Variants in TTC28 observed in about 807,000 individuals in gnomAD.
TTC28 encodes the protein tetratricopeptide repeat domain 28.
In TTC28, 61 loss-of-function variants were observed where a neutral mutation model predicts 198.0. The observed-to-expected ratio is 0.31, with a 90% CI of 0.25 to 0.38. The LOEUF is 0.38. TTC28 is among the 10% of genes least tolerant of loss of function. The pLI, the probability that TTC28 is intolerant of heterozygous loss-of-function variation, is 1.00. For synonymous variants in TTC28, 1,171 were observed against 1,297.8 expected, an observed-to-expected ratio of 0.90 and a Z score of 2.10; for missense variants, 2,678 against 3,164.0, an observed-to-expected ratio of 0.85 and a Z score of 3.69.
At chr22:28,392,423 G>A (rs570904811) in intron 2 of TTC28, among the ~76,000 whole-genome samples, 34 of 152,282 alleles carry the variant, frequency 2.2e-4, no homozygotes, top group African/African-American at 6.3e-4. Context: ...GGGCAATGGC[G>A]GGCACTCCTC....
At chr22:28,677,363 T>C (rs1027403152) in intron 1 of TTC28, among the ~76,000 whole-genome samples, 2 of 151,954 alleles carry the variant, frequency 1.3e-5, no homozygotes, top group African/African-American at 2.4e-5. Context: ...ATCACAAAGA[T>C]TGGCTGGGGG....
chr22:28,009,523 G>A (rs1252081424), intron 14 of TTC28, among the ~76,000 whole-genome samples: 7 of 152,206 alleles, frequency 4.6e-5, no homozygotes, highest in Non-Finnish European at 1.0e-4. Flanking sequence ...GTGGCCTCTG[G>A]AGCAGTGCGT....
chr22:28,645,238 A>T (rs2051440103), intron 1 of TTC28, among the ~76,000 whole-genome samples: 2 of 152,244 alleles, frequency 1.3e-5, no homozygotes, highest in Admixed American at 6.5e-5. Flanking sequence ...GTTCAAGGGC[A>T]TAACCAAAAA....
At chr22:28,039,935 A>G (rs1939545277) in intron 12 of TTC28, among the ~76,000 whole-genome samples, 1 of 152,178 alleles carries the variant, frequency 6.6e-6, no homozygotes, top group African/African-American at 2.4e-5. Flanking sequence ...AATACAAACT[A>G]CCATCAGAGA....
Position 28,677,665 on chromosome 22 carries a change from C to G in TTC28, c.102+1957G>C, listed in dbSNP as rs191501231. 2.0e-3 allele frequency among the ~76,000 whole-genome samples: 302 copies of G among 151,550 alleles called. 2 individuals carry two copies. The highest frequency in any genetic ancestry group is 6.9e-3 in the Middle Eastern group (2 of 288). On this transcript the variant is annotated intron_variant, in intron 1 of 22. Coordinates refer to ENST00000397906, the MANE Select transcript of TTC28 (RefSeq NM_001145418.2). ...AAAAAATAAAAATAAGGCCAGGTGC[C>G]GTGGCTCACACCTGTAATCTCAGCA...
chr22:28,372,046 C>CCCA (rs1271711035), intron 2 of TTC28, among the ~76,000 whole-genome samples: 5 of 151,844 alleles, frequency 3.3e-5, no homozygotes, highest in Non-Finnish European at 5.9e-5. Context: ...TGTGATTGTG[C>CCCA]CCATGCACTC....
intron 2 of TTC28, among the ~76,000 whole-genome samples, chr22:28,580,057 G>A (rs752931894): frequency 6.6e-6 from 1 of 151,982 alleles, no homozygotes. Context: ...TTATTTCAAT[G>A]TATTGTGTTG....
chr22:28,197,741 G>A (rs1925521127), intron 5 of TTC28, among the ~76,000 whole-genome samples: 4 of 152,180 alleles, frequency 2.6e-5, no homozygotes, highest in African/African-American at 9.6e-5. Flanking sequence ...CAGTGTGGGT[G>A]TGCTGGCTCA....
intron 2 of TTC28, among the ~76,000 whole-genome samples, chr22:28,564,672 T>C (rs1455270767): frequency 6.6e-6 from 1 of 151,648 alleles, no homozygotes; most frequent in Non-Finnish European, 1.5e-5. Context: ...ATCAAATATC[T>C]AGGTATACCT....
chr22:27,999,852 C>T (rs909204191), intron 15 of TTC28: 3 of 152,158 alleles, frequency 2.0e-5, no homozygotes, highest in Admixed American at 2.0e-4. Context: ...CCTGAGTTTC[C>T]CCTATGATGA....
At chr22:28,278,717 CT>C (rs2044519497) in intron 5 of TTC28, among the ~76,000 whole-genome samples, 1 of 152,226 alleles carries the variant, frequency 6.6e-6, no homozygotes, top group Non-Finnish European at 1.5e-5. Context: ...TCAAAAAGCA[CT>C]GCCACTATTG....
chr22:28,581,344 TA>T (rs2050231278), intron 2 of TTC28, among the ~76,000 whole-genome samples: 1 of 152,218 alleles, frequency 6.6e-6, no homozygotes, highest in Admixed American at 6.5e-5. Flanking sequence ...CTTTTCTTTA[TA>T]AATTACCCAG....
intron 5 of TTC28, among the ~76,000 whole-genome samples, chr22:28,276,693 T>C (rs1428986904): frequency 6.6e-6 from 1 of 152,160 alleles, no homozygotes; most frequent in African/African-American, 2.4e-5. Flanking sequence ...ACCCATTTTA[T>C]GGATTAGAAG....
intron 2 of TTC28, among the ~76,000 whole-genome samples, chr22:28,444,462 G>A (rs1172641345): frequency 6.6e-6 from 1 of 152,128 alleles, no homozygotes; most frequent in East Asian, 1.9e-4. Flanking sequence ...TTCCAAGCCT[G>A]AGAATCTGAA....
chr22:28,503,821 C>T (rs78871489), intron 2 of TTC28, among the ~76,000 whole-genome samples: 3,010 of 152,300 alleles, frequency 0.02, 30 homozygotes, highest in Non-Finnish European at 0.027. Flanking sequence ...ATTCCAAGAA[C>T]TGATCTCACG....
chr22:28,473,912 C>T (rs974379936), intron 2 of TTC28, among the ~76,000 whole-genome samples: 2 of 152,190 alleles, frequency 1.3e-5, no homozygotes, highest in Non-Finnish European at 2.9e-5. Flanking sequence ...AAGAAATCAA[C>T]CCTCCTGACA....
At chr22:28,083,925 G>C (rs1941460660) in intron 12 of TTC28, among the ~76,000 whole-genome samples, 1 of 152,262 alleles carries the variant, frequency 6.6e-6, no homozygotes, top group Non-Finnish European at 1.5e-5. Flanking sequence ...TAGCACAGCA[G>C]TCTGAGATCA....
At chr22:28,382,584 T>A (rs566166207) in intron 2 of TTC28, among the ~76,000 whole-genome samples, 6 of 152,270 alleles carry the variant, frequency 3.9e-5, no homozygotes, top group Non-Finnish European at 8.8e-5. Context: ...AAAGCTAAAA[T>A]GCAACAACAT....
At chr22:27,988,570 G>A (rs1319068088) in intron 21 of TTC28, among the ~76,000 whole-genome samples, 2 of 152,078 alleles carry the variant, frequency 1.3e-5, no homozygotes, top group South Asian at 4.1e-4. Flanking sequence ...TTACAGGAGT[G>A]AGCCACCGCA....
Sources: allele counts gnomAD v4.1 joint callset (sites outside exome capture counted in the v4.1 genomes callset), GRCh38; gene constraint gnomAD v4.1.1; transcripts MANE v1.5; gene names NCBI Gene and HGNC (gene_info 2026-07-23, HGNC 2026-07-21).